The following GALNT18 variants were observed in gnomAD, a reference collection of about 807,000 sequenced individuals.
The protein encoded by GALNT18 is GalNAc-transferase 18.
GALNT18 carries 44 observed loss-of-function variants against 69.5 expected under a neutral mutation model. That is an observed-to-expected ratio of 0.63 (90% confidence interval 0.50 to 0.81). The LOEUF (loss-of-function observed/expected upper bound fraction) is 0.81, where lower values mean the gene tolerates loss of function less well. GALNT18 is among the 40% of genes least tolerant of loss of function. GALNT18 has a pLI of 0.00. For synonymous variants in GALNT18, 364 were observed against 318.2 expected (o/e 1.14, Z -1.53); for missense variants, 715 against 810.0 (o/e 0.88, Z 1.42).
At chr11:11,539,835 A>G (rs959107922) in intron 1 of GALNT18, among the ~76,000 whole-genome samples, 10 of 152,242 alleles carry the variant, frequency 6.6e-5, no homozygotes, top group African/African-American at 2.2e-4. Flanking sequence ...AACTGCTGTC[A>G]AAAGCAGATC....
At chr11:11,545,293 G>A (rs11021917) in intron 1 of GALNT18, among the ~76,000 whole-genome samples, 37,528 of 152,172 alleles carry the variant, frequency 0.25, 5,302 homozygotes, top group Non-Finnish European at 0.31. Flanking sequence ...GATGGAAAAA[G>A]CAACAACCGA....
intron 3 of GALNT18, among the ~76,000 whole-genome samples, chr11:11,410,549 A>G (rs779713749): frequency 2.6e-5 from 4 of 152,234 alleles, no homozygotes; most frequent in African/African-American, 9.6e-5. Context: ...TAAATGAGCA[A>G]TCAGGGGCAC....
At chr11:11,479,305 C>T (rs1295914599) in intron 1 of GALNT18, among the ~76,000 whole-genome samples, 1 of 152,150 alleles carries the variant, frequency 6.6e-6, no homozygotes, top group African/African-American at 2.4e-5. Flanking sequence ...TTAATACTGT[C>T]TACCGTTTTA....
At position 11,339,010 on chromosome 11, in the gene GALNT18, C is replaced by A. The variant is rs1303525349; in HGVS notation, c.1278+1809G>T. 2.0e-5 allele frequency among the ~76,000 whole-genome samples: 3 copies of A among 152,100 alleles called. No individual in the cohort carries two copies. The highest frequency in any genetic ancestry group is 2.0e-4 in the Admixed American group (3 of 15,284). ...AAGCATTTGGGAGGCCTATGTTGACCTTGACAAAGCAGTCTTGATGAAGTA... is the reference window on the plus strand; with the variant it reads ...AAGCATTTGGGAGGCCTATGTTGACATTGACAAAGCAGTCTTGATGAAGTA... On this transcript the variant is annotated intron_variant, in intron 7 of 10. Coordinates refer to ENST00000227756, the MANE Select transcript of GALNT18 (RefSeq NM_198516.3). The surrounding 1 kb of genome is among the most constrained non-coding windows in gnomAD (Gnocchi z 5.2).
chr11:11,507,607 CA>C (rs1243218145), intron 1 of GALNT18, among the ~76,000 whole-genome samples: 1 of 152,180 alleles, frequency 6.6e-6, no homozygotes, highest in African/African-American at 2.4e-5. Context: ...AATATTTCTA[CA>C]AACCTTATAA....
intron 1 of GALNT18, among the ~76,000 whole-genome samples, chr11:11,508,296 G>A (rs1344670067): frequency 2.6e-5 from 4 of 152,090 alleles, no homozygotes; most frequent in Admixed American, 6.6e-5. Flanking sequence ...TTTGAGGTAG[G>A]AGATCTTATA....
chr11:11,274,501 G>C (rs567480600), intron 10 of GALNT18, among the ~76,000 whole-genome samples: 2 of 152,308 alleles, frequency 1.3e-5, no homozygotes, highest in East Asian at 3.9e-4. Flanking sequence ...CTCAAGCTTG[G>C]TTGGGTGAGG....
intron 9 of GALNT18, among the ~76,000 whole-genome samples, chr11:11,310,494 T>C (rs952300945): frequency 6.6e-6 from 1 of 152,184 alleles, no homozygotes; most frequent in Non-Finnish European, 1.5e-5. Flanking sequence ...AGCCCAGTTG[T>C]ACAAGAAGCA....
At chr11:11,306,815 C>T (rs1489514525) in intron 9 of GALNT18, among the ~76,000 whole-genome samples, 1 of 135,132 alleles carries the variant, frequency 7.4e-6, no homozygotes, top group African/African-American at 2.7e-5. Context: ...GCAGCTCTTC[C>T]CTTCACTTCA....
rs6484889 is a variant in GALNT18 at position 11,413,936 on chromosome 11, A to G, written c.595+18685T>C. 2.6e-5 allele frequency among the ~76,000 whole-genome samples: 4 copies of G among 151,958 alleles called. No homozygotes were observed. The highest frequency in any genetic ancestry group is 5.9e-5 in the Non-Finnish European group (4 of 67,966). On this transcript the variant is annotated intron_variant, in intron 3 of 10. Transcript: ENST00000227756. This position sits in a 1 kb window ranked among gnomAD's most constrained non-coding sequence, Gnocchi z 4.7. ...ACATTTGGCACATTCAGGACTTCAC[A>G]CTGGATCTTACTCACCAAACCTGTT...
At chr11:11,272,170 A>G (rs140348195) in intron 10 of GALNT18, among the ~76,000 whole-genome samples, 1 of 152,150 alleles carries the variant, frequency 6.6e-6, no homozygotes, top group Non-Finnish European at 1.5e-5. Flanking sequence ...TTTCCCCCAG[A>G]ACCTACTCCT....
intron 3 of GALNT18, among the ~76,000 whole-genome samples, chr11:11,429,956 G>A (rs764757242): frequency 9.2e-5 from 14 of 151,940 alleles, no homozygotes; most frequent in African/African-American, 1.2e-4. Context: ...GCTACCCAAC[G>A]TAGTGAGACT....
chr11:11,388,464 T>A (rs1854104483), intron 3 of GALNT18, among the ~76,000 whole-genome samples: 1 of 152,148 alleles, frequency 6.6e-6, no homozygotes, highest in Admixed American at 6.6e-5. Flanking sequence ...TTTAACACAG[T>A]CTCCCTTTCT....
chr11:11,408,520 G>T (rs1589977229), intron 3 of GALNT18, among the ~76,000 whole-genome samples: 5 of 152,228 alleles, frequency 3.3e-5, no homozygotes, highest in Admixed American at 3.3e-4. Flanking sequence ...ACACCAAGTC[G>T]CATTCCTGCC....
At chr11:11,335,617 A>G (rs558817826) in intron 7 of GALNT18, among the ~76,000 whole-genome samples, 6 of 152,200 alleles carry the variant, frequency 3.9e-5, no homozygotes, top group Non-Finnish European at 8.8e-5. Context: ...TGCAGATATA[A>G]TTAATTCAGG....
intron 9 of GALNT18, among the ~76,000 whole-genome samples, chr11:11,322,875 T>C (rs77564987): frequency 3.9e-5 from 6 of 152,338 alleles, no homozygotes; most frequent in African/African-American, 1.4e-4. Context: ...TAGGAACTAC[T>C]TCCTGGCTTG....
In GALNT18 at chr11:11,378,905, G is replaced by A. The variant is rs139390719; in HGVS notation, c.779+176C>T. Among the ~76,000 whole-genome samples the A allele has an allele frequency of 4.6e-5, 7 of 152,180 alleles. No homozygotes were observed. In the South Asian group the frequency reaches 1.2e-3, roughly 27 times the overall value. On this transcript the variant is annotated intron_variant, in intron 4 of 10. Transcript: ENST00000227756. ...TACCCCCTCCCCTCTACCACACCTC[G>A]AACCCTAAAGGTCCAGCCTTGTTGC... is the stretch of plus-strand genomic sequence containing the variant.
chr11:11,548,449 A>T (rs770962416), intron 1 of GALNT18, among the ~76,000 whole-genome samples: 3 of 152,074 alleles, frequency 2.0e-5, no homozygotes, highest in Non-Finnish European at 4.4e-5. Flanking sequence ...CAACACAAAG[A>T]CCTACTTGTC....
Position 11,436,129 on chromosome 11 carries a change from T to C in GALNT18, c.429-3342A>G, listed in dbSNP as rs1855397327. On this transcript the variant is annotated intron_variant, in intron 2 of 10. Transcript: ENST00000227756. The surrounding 1 kb of genome is among the most constrained non-coding windows in gnomAD (Gnocchi z 4.5). ...TAAGGAAGATGATATGGGGGGATCG[T>C]TTTTGGGAAAGCGTTTGAAGGGGAT... Among the ~76,000 whole-genome samples the C allele has an allele frequency of 6.6e-6, 1 of 152,102 alleles. No individual in the cohort carries two copies. Among genetic ancestry groups the C allele is most frequent in the Non-Finnish European group, 1.5e-5 (1 of 68,012 alleles).
Sources: gnomAD v4.1 joint callset for allele counts (sites outside exome capture counted in the v4.1 genomes callset) on GRCh38, gnomAD v4.1.1 for gene constraint, Gnocchi (gnomAD v3.1) non-coding constraint, MANE v1.5 for transcripts, NCBI Gene and HGNC (gene_info 2026-07-23, HGNC 2026-07-21) for gene names.